The following MCTP1 variants were observed in gnomAD, a reference collection of about 807,000 sequenced individuals.
The protein encoded by MCTP1 is multiple C2 and transmembrane domain-containing protein 1.
Under a neutral mutation model 120.6 loss-of-function variants are expected in MCTP1, and 69 were observed. That is an observed-to-expected ratio of 0.57 (90% CI 0.47 to 0.70). The LOEUF (loss-of-function observed/expected upper bound fraction) is 0.70, where lower values mean the gene tolerates loss of function less well. Ranked by LOEUF, MCTP1 falls within the 30% of genes least tolerant of loss-of-function variation. MCTP1 has a pLI of 0.00. For missense variants in MCTP1, 1,203 were observed against 1,248.8 expected, an observed-to-expected ratio of 0.96 and a Z score of 0.55; for synonymous variants, 529 against 493.1, an observed-to-expected ratio of 1.07 and a Z score of -0.96.
chr5:95,231,813 T>C (rs975982264), intron 1 of MCTP1, among the ~76,000 whole-genome samples: 5 of 152,182 alleles, frequency 3.3e-5, no homozygotes, highest in African/African-American at 9.7e-5. Context: ...ACAACAGTAT[T>C]ATAAATGTCA....
chr5:94,733,505 T>C (rs1483278328), intron 19 of MCTP1, among the ~76,000 whole-genome samples: 1 of 152,226 alleles, frequency 6.6e-6, no homozygotes, highest in Non-Finnish European at 1.5e-5. Context: ...TCACAAGTAA[T>C]ATTCCCTTCT....
chr5:94,870,773 G>T, intron 15 of MCTP1, 99 bp downstream of exon 15: 1 of 897,166 alleles, frequency 1.1e-6, no homozygotes, highest in Non-Finnish European at 1.8e-6. Flanking sequence ...AAGGTTTAGA[G>T]AAAATGAGGA....
chr5:94,749,409 C>G (rs1369086831), intron 19 of MCTP1, among the ~76,000 whole-genome samples: 2 of 152,138 alleles, frequency 1.3e-5, no homozygotes, highest in African/African-American at 4.8e-5. Context: ...AATCCCAGCA[C>G]TTTGGGGGGC....
chr5:94,929,742 T>TC lies in MCTP1; in HGVS notation c.1212+2210dup. On this transcript the variant is annotated intron_variant, in intron 6 of 22. Coordinates refer to ENST00000515393, the MANE Select transcript of MCTP1 (RefSeq NM_024717.7). Reference sequence around the variant, plus strand: ...AGCTAGTAATTGAAATGTCAAACTTTCCCCCGATTTTGGATTTAACATTGC... The same window carrying TC: ...AGCTAGTAATTGAAATGTCAAACTTTCCCCCCGATTTTGGATTTAACATTGC... 4.3e-6 allele frequency: 4 copies of TC among 929,174 alleles called. No individual in the cohort carries two copies. In the South Asian group the frequency reaches 2.0e-4, roughly 46 times the overall value. The allele number at this position is 929,174 out of a possible 1,614,324, so 57.6% of individuals were successfully genotyped here.
intron 1 of MCTP1, among the ~76,000 whole-genome samples, chr5:95,282,920 C>T (rs1263821515): frequency 6.6e-6 from 1 of 152,200 alleles, no homozygotes; most frequent in South Asian, 2.1e-4. Context: ...ATTCATCTAA[C>T]ATAATTAATC....
At chr5:95,273,530 G>A (rs1223640240) in intron 1 of MCTP1, among the ~76,000 whole-genome samples, 3 of 152,202 alleles carry the variant, frequency 2.0e-5, no homozygotes, top group Admixed American at 6.5e-5. Context: ...ACAGGTATAT[G>A]TAGGAGGTTT....
chr5:94,753,432 G>A (rs530270732), intron 19 of MCTP1, among the ~76,000 whole-genome samples: 25 of 152,268 alleles, frequency 1.6e-4, no homozygotes, highest in Middle Eastern at 3.4e-3. Flanking sequence ...AATGGGTTGC[G>A]CATTTTCATT....
intron 1 of MCTP1, among the ~76,000 whole-genome samples, chr5:95,077,558 C>T (rs572480179): frequency 4.6e-5 from 7 of 152,120 alleles, no homozygotes; most frequent in Middle Eastern, 3.4e-3. Context: ...CTGCAAGCTC[C>T]ACTTCCTGGG....
At chr5:94,711,538 G>T (rs137908844) in intron 20 of MCTP1, among the ~76,000 whole-genome samples, 1 of 152,104 alleles carries the variant, frequency 6.6e-6, no homozygotes, top group Non-Finnish European at 1.5e-5. Flanking sequence ...CTTCCCAGAA[G>T]TACATAGATA....
intron 6 of MCTP1, among the ~76,000 whole-genome samples, chr5:94,924,772 T>C (rs113754811): frequency 2.0e-5 from 3 of 152,212 alleles, no homozygotes; most frequent in South Asian, 2.1e-4. Context: ...TCAGTTATGA[T>C]AAAGTTTCAG....
intron 19 of MCTP1, among the ~76,000 whole-genome samples, chr5:94,771,530 C>A (rs764058553): frequency 1.3e-5 from 2 of 152,108 alleles, no homozygotes; most frequent in Non-Finnish European, 2.9e-5. Flanking sequence ...TAAAAATGGG[C>A]AATAACCCAC....
At chr5:95,123,281 G>T (rs1164077617) in intron 1 of MCTP1, among the ~76,000 whole-genome samples, 1 of 151,580 alleles carries the variant, frequency 6.6e-6, no homozygotes, top group Non-Finnish European at 1.5e-5. Flanking sequence ...AATAAAATCT[G>T]GCTAGCACAA....
chr5:95,148,173 G>T (rs1760582006), intron 1 of MCTP1, among the ~76,000 whole-genome samples: 1 of 152,138 alleles, frequency 6.6e-6, no homozygotes. Flanking sequence ...ATGACTATGT[G>T]CTTGGGGATG....
At chr5:95,110,418 T>C (rs1019702084) in intron 1 of MCTP1, among the ~76,000 whole-genome samples, 1 of 152,106 alleles carries the variant, frequency 6.6e-6, no homozygotes, top group Non-Finnish European at 1.5e-5. Context: ...TCTCTCTTTC[T>C]GCCTGAACAC....
chr5:94,804,163 A>G (rs549789286), intron 17 of MCTP1, among the ~76,000 whole-genome samples: 1 of 152,332 alleles, frequency 6.6e-6, no homozygotes, highest in East Asian at 1.9e-4. Flanking sequence ...GCAAAAGCTC[A>G]CTAATACATA....
chr5:95,284,206 G>T lies in MCTP1; in HGVS notation c.370C>A (p.Arg124=). The T allele has an allele frequency of 6.4e-7, 1 of 1,564,902 alleles. No homozygotes were observed. Among genetic ancestry groups the T allele is most frequent in the African/African-American group, 1.4e-5 (1 of 72,890 alleles). ...RAEQGSTLRR[R]IREHLLPAVK... is the part of the protein sequence containing the mutation. The stretch of plus-strand genomic sequence containing the variant: ...GCGGGGAGCAAATGCTCGCGGATCC[G>T]GCGGCGTAGCGTGGACCCCTGCTCG... Residue 124 remains arginine (R), a synonymous_variant, in exon 1 of 23, where the codon CGG becomes AGG. Transcript: ENST00000515393. The surrounding 1 kb of genome is among the most constrained non-coding windows in gnomAD (Gnocchi z 5.2).
chr5:94,788,693 TGTTTAGAATA>T (rs938989550), intron 18 of MCTP1: 4 of 141,054 alleles, frequency 2.8e-5, no homozygotes, highest in Non-Finnish European at 4.7e-5. Flanking sequence ...TCCCTCCCCA[TGTTTAGAATA>T]GTTTGGCTCT....
intron 1 of MCTP1, among the ~76,000 whole-genome samples, chr5:95,077,158 T>C (rs1056589236): frequency 6.6e-6 from 1 of 152,208 alleles, no homozygotes; most frequent in East Asian, 1.9e-4. Context: ...CATTCCAAAA[T>C]GAAAAGAGAT....
intron 1 of MCTP1, among the ~76,000 whole-genome samples, chr5:95,161,533 G>A (rs776857113): frequency 5.3e-5 from 8 of 152,022 alleles, no homozygotes; most frequent in Non-Finnish European, 1.0e-4. Flanking sequence ...GCACAAAATG[G>A]TGACTATAAT....
Sources: allele counts gnomAD v4.1 joint callset (sites outside exome capture counted in the v4.1 genomes callset), GRCh38; gene constraint gnomAD v4.1.1; non-coding constraint Gnocchi (gnomAD v3.1); transcripts MANE v1.5; gene names NCBI Gene and HGNC (gene_info 2026-07-23, HGNC 2026-07-21).